Variants in LYPD6 observed in about 807,000 individuals in gnomAD.
LYPD6 encodes LY6/PLAUR domain containing 6.
In LYPD6, 15 loss-of-function variants were observed where a neutral mutation model predicts 22.7. That is an observed-to-expected ratio of 0.66 (90% confidence interval 0.44 to 1.02). The LOEUF is 1.02. Among genes scored for constraint, LYPD6 ranks in the 50% least tolerant of loss-of-function variants. The pLI is 0.00. For synonymous variants in LYPD6, 72 were observed against 77.5 expected, an observed-to-expected ratio of 0.93 and a Z score of 0.37; for missense variants, 189 against 208.4, an observed-to-expected ratio of 0.91 and a Z score of 0.57.
intron 1 of LYPD6, among the ~76,000 whole-genome samples, chr2:149,356,978 A>G (rs554492946): frequency 6.6e-6 from 1 of 152,336 alleles, no homozygotes; most frequent in South Asian, 2.1e-4. Context: ...CCATTTTAAC[A>G]TGCAACTCTT....
chr2:149,368,587 C>T (rs1681731911), intron 1 of LYPD6, among the ~76,000 whole-genome samples: 1 of 152,102 alleles, frequency 6.6e-6, no homozygotes. Context: ...ATAAAATGAT[C>T]ATCAGAGTTC....
At chr2:149,436,271 A>G (rs1414187143) in intron 1 of LYPD6, among the ~76,000 whole-genome samples, 1 of 152,226 alleles carries the variant, frequency 6.6e-6, no homozygotes, top group Non-Finnish European at 1.5e-5. Flanking sequence ...ACAAAATATC[A>G]AAACTGTTTG....
At chr2:149,476,957 G>T (rs1681457384), downstream of LYPD6, among the ~76,000 whole-genome samples, 1 of 152,150 alleles carries the variant, frequency 6.6e-6, no homozygotes, top group African/African-American at 2.4e-5. Context: ...CCAGTTGTTT[G>T]GGGAGAGGGA....
chr2:149,368,887 G>A (rs1681740300), intron 1 of LYPD6, among the ~76,000 whole-genome samples: 1 of 152,162 alleles, frequency 6.6e-6, no homozygotes, highest in South Asian at 2.1e-4. Context: ...TCTGACTTTA[G>A]TGACTGGGTA....
intron 1 of LYPD6, among the ~76,000 whole-genome samples, chr2:149,426,782 G>A (rs1401767278): frequency 6.6e-6 from 1 of 152,216 alleles, no homozygotes; most frequent in African/African-American, 2.4e-5. Context: ...AGGGGTGTCA[G>A]GAAGGGCAGA....
downstream of LYPD6, among the ~76,000 whole-genome samples, chr2:149,475,306 T>C (rs1681431139): frequency 6.6e-6 from 1 of 152,094 alleles, no homozygotes; most frequent in Non-Finnish European, 1.5e-5. Context: ...CACTTGAACT[T>C]AAAGATTCAG....
chr2:149,439,508 T>G (rs970705478), intron 2 of LYPD6, among the ~76,000 whole-genome samples: 4 of 152,184 alleles, frequency 2.6e-5, no homozygotes, highest in African/African-American at 9.6e-5. Context: ...CTTCTCAACT[T>G]CAGTGACAGA....
At chr2:149,417,567 T>C (rs973349859) in intron 1 of LYPD6, among the ~76,000 whole-genome samples, 11 of 152,152 alleles carry the variant, frequency 7.2e-5, no homozygotes, top group African/African-American at 2.7e-4. Context: ...AGGGAAAAAC[T>C]GTCTAGAACA....
chr2:149,376,519 C>T (rs1279554667), intron 1 of LYPD6, among the ~76,000 whole-genome samples: 1 of 152,124 alleles, frequency 6.6e-6, no homozygotes, highest in Non-Finnish European at 1.5e-5. Flanking sequence ...ATCTCCTAAT[C>T]TCCCATCTGT....
At chr2:149,470,219 G>A (rs1226105633) in intron 4 of LYPD6, among the ~76,000 whole-genome samples, 1 of 152,204 alleles carries the variant, frequency 6.6e-6, no homozygotes, top group East Asian at 1.9e-4. Flanking sequence ...AGACACTTAT[G>A]CAAACAGTTC....
intron 2 of LYPD6, among the ~76,000 whole-genome samples, chr2:149,441,326 C>T (rs1176766787): frequency 1.3e-5 from 2 of 152,160 alleles, no homozygotes; most frequent in South Asian, 4.1e-4. Context: ...ACATGAAGCT[C>T]GGAACCTGCT....
At chr2:149,446,410 A>G (rs1357204250) in intron 2 of LYPD6, among the ~76,000 whole-genome samples, 14 of 152,246 alleles carry the variant, frequency 9.2e-5, no homozygotes, top group South Asian at 4.1e-4. Context: ...AAAGTGTGCT[A>G]AAATGAATGG....
the LYPD6 span, among the ~76,000 whole-genome samples, chr2:149,480,802 A>G: frequency 6.6e-6 from 1 of 152,128 alleles, no homozygotes; most frequent in African/African-American, 2.4e-5. Flanking sequence ...GAGTTGCCTC[A>G]CCCAAGGCCA....
intron 1 of LYPD6, among the ~76,000 whole-genome samples, chr2:149,384,800 A>G (rs1682144759): frequency 6.6e-6 from 1 of 151,934 alleles, no homozygotes; most frequent in Non-Finnish European, 1.5e-5. Flanking sequence ...ACATATGTAT[A>G]CATGTGCCAT....
chr2:149,431,856 C>T lies in LYPD6; in HGVS notation c.-71-5782C>T, dbSNP rs769621203. 3.9e-5 allele frequency among the ~76,000 whole-genome samples: 6 copies of T among 152,172 alleles called. 1 individual carries two copies. In the South Asian group the frequency reaches 1.2e-3, roughly 32 times the overall value. On this transcript the variant is annotated intron_variant, in intron 1 of 4. Coordinates refer to ENST00000334166, the MANE Select transcript of LYPD6 (RefSeq NM_194317.5). Reference sequence around the variant, plus strand: ...AAGAATGGGAGAGGATATTTGCAAACATTTATCTGAAAAGGATCTAGAATC... The same window carrying T: ...AAGAATGGGAGAGGATATTTGCAAATATTTATCTGAAAAGGATCTAGAATC...
intron 1 of LYPD6, among the ~76,000 whole-genome samples, chr2:149,344,492 G>T (rs927496775): frequency 2.6e-5 from 4 of 152,120 alleles, no homozygotes; most frequent in Admixed American, 2.6e-4. Context: ...AAAGACCCAG[G>T]TTTTATTCCG....
intron 1 of LYPD6, among the ~76,000 whole-genome samples, chr2:149,335,940 G>A (rs1681026690): frequency 6.6e-6 from 1 of 151,876 alleles, no homozygotes; most frequent in African/African-American, 2.4e-5. Flanking sequence ...ACTCTGTGAT[G>A]TTCACACAGT....
chr2:149,402,190 C>G (rs973785551), intron 1 of LYPD6, among the ~76,000 whole-genome samples: 1 of 150,876 alleles, frequency 6.6e-6, no homozygotes, highest in Non-Finnish European at 1.5e-5. Flanking sequence ...GCCATTATTT[C>G]ATTCCTTTTT....
rs939751403 is a variant in LYPD6, at chr2:149,330,677, G to A, written c.-117G>A. 3.3e-5 allele frequency: 5 copies of A among 151,986 alleles called. No homozygotes were observed. Among genetic ancestry groups the A allele is most frequent in the Non-Finnish European group, 5.9e-5 (4 of 68,018 alleles). 9.4% of individuals were successfully genotyped at this position (151,986 alleles called of 1,614,324 possible). Reference sequence around the variant, plus strand: ...GGGGGCGCCGCAGTGTTCGTGGGATGGGGCAGCGGGCTGCAGCTGGCGGCC... The same window carrying A: ...GGGGGCGCCGCAGTGTTCGTGGGATAGGGCAGCGGGCTGCAGCTGGCGGCC... On this transcript the variant is annotated 5_prime_UTR_variant, in exon 1 of 5. The change abolishes an upstream ATG in the 5' untranslated region. Coordinates refer to ENST00000334166, the MANE Select transcript of LYPD6 (RefSeq NM_194317.5).
Sources: gnomAD v4.1 joint callset for allele counts (sites outside exome capture counted in the v4.1 genomes callset) on GRCh38, gnomAD v4.1.1 for gene constraint, MANE v1.5 for transcripts, NCBI Gene and HGNC (gene_info 2026-07-23, HGNC 2026-07-21) for gene names.